RP1: variants seen among roughly 807,000 people sequenced by gnomAD.
The protein encoded by RP1 is oxygen-regulated protein 1.
In RP1, 16 loss-of-function variants were observed where a neutral mutation model predicts 14.8. The ratio of observed to expected loss-of-function variants is 1.08; its 90% confidence interval spans 0.73 to 1.65. The LOEUF (loss-of-function observed/expected upper bound fraction) is 1.65. Ranked by LOEUF, RP1 falls within the 40% of genes most tolerant of loss-of-function variation. The pLI, the probability that RP1 is intolerant of heterozygous loss-of-function variation, is 0.00. For synonymous variants in RP1, 876 were observed against 883.6 expected (o/e 0.99, Z 0.15); for missense variants, 2,631 against 2,535.0 (o/e 1.04, Z -0.81).
chr8:54,727,891 T>C (rs939110701), intron 17 of RP1, among the ~76,000 whole-genome samples: 1 of 151,786 alleles, frequency 6.6e-6, no homozygotes. Flanking sequence ...CAATAATTAA[T>C]TGTAAAAAGA....
exon 29 of RP1, chr8:54,870,048 G>T (rs926455973): frequency 6.1e-6 from 3 of 494,848 alleles, no homozygotes; most frequent in South Asian, 1.1e-4. Context: ...ACCTGGGGAG[G>T]GTCAGTTTGT....
chr8:54,606,657 C>G (rs187796365), intron 1 of RP1, among the ~76,000 whole-genome samples: 1 of 152,320 alleles, frequency 6.6e-6, no homozygotes, highest in East Asian at 1.9e-4. Context: ...TGGTTGCACT[C>G]TCCTCATCAC....
At chr8:54,589,611 G>C (rs1426471315) in intron 1 of RP1, among the ~76,000 whole-genome samples, 2 of 152,108 alleles carry the variant, frequency 1.3e-5, no homozygotes, top group Non-Finnish European at 2.9e-5. Flanking sequence ...TCATGTGACT[G>C]TTAAGTCTGC....
intron 1 of RP1, among the ~76,000 whole-genome samples, chr8:54,602,543 T>C (rs537849032): frequency 6.6e-6 from 1 of 152,254 alleles, no homozygotes; most frequent in Non-Finnish European, 1.5e-5. Context: ...ATCCTTTGGG[T>C]ATATACCCAG....
intron 26 of RP1, chr8:54,852,837 G>C: frequency 1.3e-6 from 1 of 768,248 alleles, no homozygotes; most frequent in Non-Finnish European, 1.8e-6. Context: ...TGATTCCTGT[G>C]AGGAATTCAG....
rs770414773 is a variant in RP1, at chr8:54,622,137, G to T, written c.636G>T (p.Val212=). ...TTTAGGTTCCCAGCCTCCAGGCAGT[G>T]ATCCTGAGCTCTGGAGCTGTGGTGG... The part of the protein sequence containing the change: ...DGRRVPSLQA[V]ILSSGAVVAA... Residue 212 remains valine, a synonymous_variant, in exon 3 of 4, where the codon GTG becomes GTT. Transcript: ENST00000220676. The T allele has an allele frequency of 6.2e-7, 1 of 1,614,204 alleles. No individual in the cohort carries two copies. Among genetic ancestry groups the T allele is most frequent in the East Asian group, 2.2e-5 (1 of 44,882 alleles).
At chr8:54,595,959 T>C in intron 1 of RP1, among the ~76,000 whole-genome samples, 1 of 152,224 alleles carries the variant, frequency 6.6e-6, no homozygotes, top group Non-Finnish European at 1.5e-5. Context: ...AAATAAATTA[T>C]TGAAATCTGA....
intron 19 of RP1, among the ~76,000 whole-genome samples, chr8:54,749,383 T>A (rs1809304788): frequency 6.6e-6 from 1 of 151,446 alleles, no homozygotes. Context: ...ATGGTGGCAA[T>A]TGTTGTTGGT....
intron 12 of RP1, chr8:54,696,506 G>T: frequency 6.9e-6 from 6 of 873,674 alleles, no homozygotes; most frequent in Non-Finnish European, 1.1e-5. Flanking sequence ...GGCACTTTTG[G>T]CAAAGAAGGA....
exon 25 of RP1, chr8:54,837,604 A>C: frequency 8.1e-7 from 1 of 1,232,108 alleles, no homozygotes; most frequent in Admixed American, 4.2e-5. Context: ...ATAGCTGAGA[A>C]TGAAAATGAT....
chr8:54,681,615 C>T (rs1807434182), intron 12 of RP1, among the ~76,000 whole-genome samples: 1 of 151,260 alleles, frequency 6.6e-6, no homozygotes, highest in Non-Finnish European at 1.5e-5. Context: ...TGGTGGTTTG[C>T]TGTACAGATC....
rs527346539 is a variant in RP1, at chr8:54,569,567, T to A, written c.-13+10247T>A. ...GGTTAATGTGAGTCTGCCACCCAAATGAAAAAACATTCACTGTCTCTGCCC... is the reference window on the plus strand; with the variant it reads ...GGTTAATGTGAGTCTGCCACCCAAAAGAAAAAACATTCACTGTCTCTGCCC... On this transcript the variant is annotated intron_variant, in intron 1 of 22. Transcript: ENST00000636932. Among the ~76,000 whole-genome samples the A allele has an allele frequency of 3.3e-5, 5 of 152,278 alleles. No homozygotes were observed. The South Asian group carries it at 1.0e-3, about 32-fold the overall frequency.
At chr8:54,575,436 T>C (rs1248637875) in intron 1 of RP1, among the ~76,000 whole-genome samples, 3 of 152,210 alleles carry the variant, frequency 2.0e-5, no homozygotes. Context: ...TATATATATT[T>C]ATGGGGTACA....
At chr8:54,617,032 A>G (rs994977866) in intron 1 of RP1, among the ~76,000 whole-genome samples, 6 of 152,352 alleles carry the variant, frequency 3.9e-5, no homozygotes, top group African/African-American at 1.2e-4. Flanking sequence ...TGATAGCTCC[A>G]TTGTCTAACT....
rs748777145 is a variant in RP1 at position 54,625,851 on chromosome 8, C to G, written c.1969C>G (p.Leu657Val). ...ATTTGCTCAGTGTGGTTTAACAAAA[C>G]TTCCAAAAAATGAAAAGAAGATTTT... is the stretch of plus-strand genomic sequence containing the variant. ...NEFAQCGLTKLPKNEKKILSS... is the reference protein window; with the variant it reads ...NEFAQCGLTKVPKNEKKILSS... The change falls in exon 4 of 4, where the codon CTT (leucine) becomes GTT (valine). Residue 657 changes from leucine (L) to valine (V), a missense_variant. Leu to Val is a conservative substitution (Grantham distance 32). Transcript: ENST00000220676. 6.2e-7 allele frequency: 1 copy of G among 1,613,380 alleles called. No homozygotes were observed. The highest frequency in any genetic ancestry group is 1.3e-5 in the African/African-American group (1 of 74,896).
At chr8:54,746,765 TA>T (rs543413355) in intron 19 of RP1, among the ~76,000 whole-genome samples, 1 of 152,318 alleles carries the variant, frequency 6.6e-6, no homozygotes, top group East Asian at 1.9e-4. Context: ...TCTAAAAAGT[TA>T]AAAAATCACT....
chr8:54,613,159 C>T (rs1805636653), upstream of RP1, among the ~76,000 whole-genome samples: 1 of 152,080 alleles, frequency 6.6e-6, no homozygotes, highest in South Asian at 2.1e-4. Flanking sequence ...TGGGTTTTTA[C>T]AGGGAATGGT....
chr8:54,847,093 C>A (rs1017998649), intron 25 of RP1, among the ~76,000 whole-genome samples: 4 of 152,078 alleles, frequency 2.6e-5, no homozygotes, highest in African/African-American at 7.2e-5. Context: ...TCAGCATCTG[C>A]TGGTGCATCT....
At chr8:54,777,274 A>ACGTGTTTGGACTACAGCAAG (rs1810067060) in intron 23 of RP1, among the ~76,000 whole-genome samples, 1 of 152,218 alleles carries the variant, frequency 6.6e-6, no homozygotes, top group South Asian at 2.1e-4. Flanking sequence ...CCCACTGTGC[A>ACGTGTTTGGACTACAGCAAG]CGTGTTTGGA....
Sources: allele counts gnomAD v4.1 joint callset (sites outside exome capture counted in the v4.1 genomes callset), GRCh38; gene constraint gnomAD v4.1.1; transcripts MANE v1.5; gene names NCBI Gene and HGNC (gene_info 2026-07-23, HGNC 2026-07-21).